DERA: variants seen among roughly 807,000 people sequenced by gnomAD.
DERA encodes the protein 2-deoxy-D-ribose 5-phosphate aldolase.
Under a neutral mutation model 41.1 loss-of-function variants are expected in DERA, and 15 were observed. The observed-to-expected ratio is 0.37, with a 90% CI of 0.24 to 0.56. The LOEUF is 0.56. Ranked by LOEUF, DERA falls within the 20% of genes least tolerant of loss-of-function variation. The probability of loss-of-function intolerance (pLI) is 0.81; values close to 1 mark genes in which losing one functional copy is unlikely to be tolerated. For missense variants in DERA, 396 were observed against 403.4 expected (o/e 0.98, Z 0.16); for synonymous variants, 139 against 137.4 (o/e 1.01, Z -0.08).
In DERA at chr12:16,014,486, G is replaced by A. The variant is rs1592050788; in HGVS notation, c.638-18056G>A. ...GCCTTGGTGGCTTCCACATGGTGTT[G>A]GTCCTGCAGGTGCACAGAAGTCAAG... is the stretch of plus-strand genomic sequence containing the variant. On this transcript the variant is annotated intron_variant, in intron 6 of 8. Coordinates refer to ENST00000428559, the MANE Select transcript of DERA (RefSeq NM_015954.4). This position sits in a 1 kb window ranked among gnomAD's most constrained non-coding sequence, Gnocchi z 5.4. 6.6e-6 allele frequency among the ~76,000 whole-genome samples: 1 copy of A among 152,320 alleles called. No individual in the cohort carries two copies. Among genetic ancestry groups the A allele is most frequent in the Non-Finnish European group, 1.5e-5 (1 of 68,030 alleles).
At position 15,918,203 on chromosome 12, in the gene DERA, G is replaced by T. The variant is rs114567082; in HGVS notation, c.31+6789G>T. 1.3e-5 allele frequency among the ~76,000 whole-genome samples: 2 copies of T among 152,080 alleles called. No homozygotes were observed. Among genetic ancestry groups the T allele is most frequent in the African/African-American group, 4.8e-5 (2 of 41,408 alleles). On this transcript the variant is annotated intron_variant, in intron 1 of 8. Coordinates refer to ENST00000428559, the MANE Select transcript of DERA (RefSeq NM_015954.4). This position sits in a 1 kb window ranked among gnomAD's most constrained non-coding sequence, Gnocchi z 4.3. ...CCTGTGAGTCTGCCTTCCTCATCCC[G>T]CTGGTGCTTGGTCCCCCACAGCAGG...
At chr12:15,932,728 G>A (rs1393287587) in intron 1 of DERA, among the ~76,000 whole-genome samples, 2 of 152,058 alleles carry the variant, frequency 1.3e-5, no homozygotes, top group East Asian at 1.9e-4. Context: ...TATTGTTAAC[G>A]ATTTTCAGGA....
At position 15,957,424 on chromosome 12, in the gene DERA, T is replaced by G. The variant is rs1948548349; in HGVS notation, c.129+391T>G. Reference sequence around the variant, plus strand: ...CTGTTGAGGCCCTTAGGTATAAGAGTTGACCTTTCTTGACCATCATATTTA... The same window carrying G: ...CTGTTGAGGCCCTTAGGTATAAGAGGTGACCTTTCTTGACCATCATATTTA... On this transcript the variant is annotated intron_variant, in intron 2 of 8. Coordinates refer to ENST00000428559, the MANE Select transcript of DERA (RefSeq NM_015954.4). The surrounding 1 kb of genome is among the most constrained non-coding windows in gnomAD (Gnocchi z 4.8). 6.6e-6 allele frequency among the ~76,000 whole-genome samples: 1 copy of G among 152,184 alleles called. No individual in the cohort carries two copies. Among genetic ancestry groups the G allele is most frequent in the African/African-American group, 2.4e-5 (1 of 41,440 alleles).
At chr12:15,925,163 G>C (rs138463790) in intron 1 of DERA, among the ~76,000 whole-genome samples, 1,528 of 151,184 alleles carry the variant, frequency 0.01, 26 homozygotes, top group African/African-American at 0.034. Flanking sequence ...CCCCTTTGCT[G>C]TTGTCAGGCT....
At chr12:16,033,744 T>G (rs1949109247) in intron 7 of DERA, among the ~76,000 whole-genome samples, 1 of 148,456 alleles carries the variant, frequency 6.7e-6, no homozygotes, top group Admixed American at 6.6e-5. Flanking sequence ...ACTTTATATG[T>G]AAGTGTAGCT....
chr12:15,992,279 C>A lies in DERA; in HGVS notation c.637+9843C>A, dbSNP rs1948807327. Among the ~76,000 whole-genome samples, 1 of 152,012 alleles carries A rather than the reference C, an allele frequency of 6.6e-6. No individual in the cohort carries two copies. Among genetic ancestry groups the A allele is most frequent in the African/African-American group, 2.4e-5 (1 of 41,402 alleles). Reference sequence around the variant, plus strand: ...AAAAGAAATTTGAAAATTTAGATGCCTCTTTCCAGATGTGCCAAAATCTTG... The same window carrying A: ...AAAAGAAATTTGAAAATTTAGATGCATCTTTCCAGATGTGCCAAAATCTTG... On this transcript the variant is annotated intron_variant, in intron 6 of 8. Coordinates refer to ENST00000428559, the MANE Select transcript of DERA (RefSeq NM_015954.4). The surrounding 1 kb of genome is among the most constrained non-coding windows in gnomAD (Gnocchi z 4.3).
rs77586207 is a variant in DERA, at chr12:15,999,366, G to A, written c.637+16930G>A. ...AAGTGACATTATCTCTTAGTGTGGT[G>A]AAGAAGTGAAAAATAGGGTTTATGA... On this transcript the variant is annotated intron_variant, in intron 6 of 8. Transcript: ENST00000428559. The surrounding 1 kb of genome is among the most constrained non-coding windows in gnomAD (Gnocchi z 5.3). Among the ~76,000 whole-genome samples the A allele has an allele frequency of 2.6e-4, 40 of 152,330 alleles. No homozygotes were observed. The highest frequency in any genetic ancestry group is 8.4e-4 in the African/African-American group (35 of 41,568).
In DERA at chr12:15,994,609, A is replaced by G. The variant is rs1487176003; in HGVS notation, c.637+12173A>G. Among the ~76,000 whole-genome samples, 2 of 152,228 alleles carry G rather than the reference A, an allele frequency of 1.3e-5. No individual in the cohort carries two copies. Among genetic ancestry groups the G allele is most frequent in the East Asian group, 3.9e-4 (2 of 5,158 alleles). On this transcript the variant is annotated intron_variant, in intron 6 of 8. Transcript: ENST00000428559. This position sits in a 1 kb window ranked among gnomAD's most constrained non-coding sequence, Gnocchi z 4.8. ...GCTGGGACTACAGGCGCCTGCAACCACGCCTGGCTAATTTTTTGTATTTTT... is the reference window on the plus strand; with the variant it reads ...GCTGGGACTACAGGCGCCTGCAACCGCGCCTGGCTAATTTTTTGTATTTTT...
intron 1 of DERA, among the ~76,000 whole-genome samples, chr12:15,916,818 C>T (rs774180991): frequency 6.6e-6 from 1 of 152,072 alleles, no homozygotes; most frequent in African/African-American, 2.4e-5. Flanking sequence ...TGCTGTGTTG[C>T]CTAGGCTGGT....
chr12:15,943,943 T>G lies in DERA; in HGVS notation c.32-12993T>G, dbSNP rs1948427503. ...CCTTCCTGTGTCCAAGTGTTCTCAT[T>G]GTTCAATTCCCACCTATGAGTGAGA... is the stretch of plus-strand genomic sequence containing the variant. On this transcript the variant is annotated intron_variant, in intron 1 of 8. Coordinates refer to ENST00000428559, the MANE Select transcript of DERA (RefSeq NM_015954.4). The surrounding 1 kb of genome is among the most constrained non-coding windows in gnomAD (Gnocchi z 4.5). Among the ~76,000 whole-genome samples, 1 of 143,882 alleles carries G rather than the reference T, an allele frequency of 7.0e-6. No individual in the cohort carries two copies. The highest frequency in any genetic ancestry group is 1.5e-5 in the Non-Finnish European group (1 of 66,382). The allele number at this position is 143,882 out of a possible 152,430, so 94.4% of individuals were successfully genotyped here. A position where few individuals can be genotyped will look rare whatever the true frequency, so the allele number is the denominator to read the frequency against.
chr12:16,026,849 C>G lies in DERA; in HGVS notation c.638-5693C>G, dbSNP rs1055722044. Among the ~76,000 whole-genome samples the G allele has an allele frequency of 6.6e-6, 1 of 151,996 alleles. No individual in the cohort carries two copies. The highest frequency in any genetic ancestry group is 2.4e-5 in the African/African-American group (1 of 41,410). On this transcript the variant is annotated intron_variant, in intron 6 of 8. Coordinates refer to ENST00000428559, the MANE Select transcript of DERA (RefSeq NM_015954.4). This position sits in a 1 kb window ranked among gnomAD's most constrained non-coding sequence, Gnocchi z 4.4. ...ATTACTCCAAAACCAGATAAAGACA[C>G]TGCCAGAAAGAAAACCTATAGATGA...
chr12:15,992,642 TG>T lies in DERA; in HGVS notation c.637+10207del, dbSNP rs573914897. Reference sequence around the variant, plus strand: ...AAAAAGAGAGCTATACTTTTTTCCTTGAACAATCCAAGAACAAGATGATAGG... The same window carrying T: ...AAAAAGAGAGCTATACTTTTTTCCTTAACAATCCAAGAACAAGATGATAGG... On this transcript the variant is annotated intron_variant, in intron 6 of 8. Coordinates refer to ENST00000428559, the MANE Select transcript of DERA (RefSeq NM_015954.4). The surrounding 1 kb of genome is among the most constrained non-coding windows in gnomAD (Gnocchi z 4.3). Among the ~76,000 whole-genome samples, 57 of 152,268 alleles carry T rather than the reference TG, an allele frequency of 3.7e-4. No homozygotes were observed. Among genetic ancestry groups the T allele is most frequent in the African/African-American group, 1.3e-3 (55 of 41,558 alleles).
rs1041993306 is a variant in DERA at position 15,936,338 on chromosome 12, A to G, written c.32-20598A>G. The stretch of plus-strand genomic sequence containing the variant: ...AAACATTCAGAAAAGTAGGACTAGT[A>G]TAAAGAACACTCATATATCTGTCAT... On this transcript the variant is annotated intron_variant, in intron 1 of 8. Transcript: ENST00000428559. The surrounding 1 kb of genome is among the most constrained non-coding windows in gnomAD (Gnocchi z 4.6). 6.6e-6 allele frequency among the ~76,000 whole-genome samples: 1 copy of G among 152,252 alleles called. No homozygotes were observed. Among genetic ancestry groups the G allele is most frequent in the African/African-American group, 2.4e-5 (1 of 41,478 alleles).
rs1208959352 is a variant in DERA at position 15,988,654 on chromosome 12, G to A, written c.637+6218G>A. ...ATCAATGAAGTTCTCACTCCAGGCT[G>A]TGGCCTTCACTCAGACCTGGCAGCC... On this transcript the variant is annotated intron_variant, in intron 6 of 8. Transcript: ENST00000428559. This position sits in a 1 kb window ranked among gnomAD's most constrained non-coding sequence, Gnocchi z 6.0. Among the ~76,000 whole-genome samples, 1 of 152,162 alleles carries A rather than the reference G, an allele frequency of 6.6e-6. No individual in the cohort carries two copies. Among genetic ancestry groups the A allele is most frequent in the African/African-American group, 2.4e-5 (1 of 41,446 alleles).
Position 15,959,369 on chromosome 12 carries a change from A to G in DERA, c.278-460A>G, listed in dbSNP as rs1262616843. 1.3e-5 allele frequency among the ~76,000 whole-genome samples: 2 copies of G among 152,314 alleles called. No homozygotes were observed. Among genetic ancestry groups the G allele is most frequent in the Admixed American group, 6.5e-5 (1 of 15,300 alleles). ...CAGATTTTATTATTTCTTGCAAAAG[A>G]GGGAATAGGATTAGTTAAATGTCAT... On this transcript the variant is annotated intron_variant, in intron 3 of 8. Transcript: ENST00000428559. This position sits in a 1 kb window ranked among gnomAD's most constrained non-coding sequence, Gnocchi z 4.5.
In DERA at chr12:15,935,460, C is replaced by G. The variant is rs1948357918; in HGVS notation, c.32-21476C>G. 6.6e-6 allele frequency among the ~76,000 whole-genome samples: 1 copy of G among 152,090 alleles called. No homozygotes were observed. Among genetic ancestry groups the G allele is most frequent in the African/African-American group, 2.4e-5 (1 of 41,398 alleles). The stretch of plus-strand genomic sequence containing the variant: ...AATGATTATGCCACTGCACTCCAGC[C>G]TGGGCAACAGAGTGAGACCCTGTCT... On this transcript the variant is annotated intron_variant, in intron 1 of 8. Coordinates refer to ENST00000428559, the MANE Select transcript of DERA (RefSeq NM_015954.4). The surrounding 1 kb of genome is among the most constrained non-coding windows in gnomAD (Gnocchi z 4.8).
intron 5 of DERA, among the ~76,000 whole-genome samples, chr12:15,975,831 AG>A (rs1481315001): frequency 6.6e-6 from 1 of 152,202 alleles, no homozygotes; most frequent in Admixed American, 6.5e-5. Flanking sequence ...TAGATGTTTC[AG>A]GCGTATCTTT....
rs1010147016 is a variant in DERA at position 16,000,560 on chromosome 12, A to T, written c.637+18124A>T. 2.6e-5 allele frequency among the ~76,000 whole-genome samples: 4 copies of T among 152,148 alleles called. No homozygotes were observed. The highest frequency in any genetic ancestry group is 7.2e-5 in the African/African-American group (3 of 41,432). ...GTATGCTTTTTGTAAAAAATTTATCACCAACTGGGGCATTGAAAGTAAGTT... is the reference window on the plus strand; with the variant it reads ...GTATGCTTTTTGTAAAAAATTTATCTCCAACTGGGGCATTGAAAGTAAGTT... On this transcript the variant is annotated intron_variant, in intron 6 of 8. Coordinates refer to ENST00000428559, the MANE Select transcript of DERA (RefSeq NM_015954.4). This position sits in a 1 kb window ranked among gnomAD's most constrained non-coding sequence, Gnocchi z 4.8.
rs1182174151 is a variant in DERA at position 15,994,688 on chromosome 12, C to T, written c.637+12252C>T. Among the ~76,000 whole-genome samples, 2 of 152,108 alleles carry T rather than the reference C, an allele frequency of 1.3e-5. No homozygotes were observed. The highest frequency in any genetic ancestry group is 2.1e-4 in the South Asian group (1 of 4,830). On this transcript the variant is annotated intron_variant, in intron 6 of 8. Coordinates refer to ENST00000428559, the MANE Select transcript of DERA (RefSeq NM_015954.4). The surrounding 1 kb of genome is among the most constrained non-coding windows in gnomAD (Gnocchi z 4.8). The stretch of plus-strand genomic sequence containing the variant: ...CAGCATGGTCTCGATCTCCTGACCT[C>T]GCGATCCACCCACCTCGGCCTCCCA...
Sources: allele counts gnomAD v4.1 joint callset (sites outside exome capture counted in the v4.1 genomes callset), GRCh38; gene constraint gnomAD v4.1.1; non-coding constraint Gnocchi (gnomAD v3.1); transcripts MANE v1.5; gene names NCBI Gene and HGNC (gene_info 2026-07-23, HGNC 2026-07-21).